The following ARHGAP12 variants were observed in gnomAD, a reference collection of about 807,000 sequenced individuals.
ARHGAP12 encodes Rho GTPase activating protein 12.
Under a neutral mutation model 108.6 loss-of-function variants are expected in ARHGAP12, and 64 were observed. That is an observed-to-expected ratio of 0.59 (90% CI 0.48 to 0.73). The LOEUF is 0.73. Ranked by LOEUF, ARHGAP12 falls within the 30% of genes least tolerant of loss-of-function variation. The probability of loss-of-function intolerance (pLI) is 0.00; values close to 1 mark genes in which losing one functional copy is unlikely to be tolerated. For synonymous variants in ARHGAP12, 312 were observed against 337.2 expected (o/e 0.93, Z 0.82); for missense variants, 940 against 1,005.9 (o/e 0.93, Z 0.89).
chr10:31,921,271 G>A (rs1237656318), intron 1 of ARHGAP12, among the ~76,000 whole-genome samples: 1 of 151,928 alleles, frequency 6.6e-6, no homozygotes, highest in East Asian at 1.9e-4. Flanking sequence ...GTGAAACAAC[G>A]TCTCAAAAAA....
At chr10:31,871,764 T>C (rs925162120) in intron 3 of ARHGAP12, among the ~76,000 whole-genome samples, 5 of 152,090 alleles carry the variant, frequency 3.3e-5, no homozygotes, top group Non-Finnish European at 7.4e-5. Context: ...ATCTAGACGG[T>C]TGACAGAGAA....
intron 3 of ARHGAP12, among the ~76,000 whole-genome samples, chr10:31,906,415 TG>T (rs1839134798): frequency 6.6e-6 from 1 of 152,202 alleles, no homozygotes; most frequent in Non-Finnish European, 1.5e-5. Context: ...AGAGGTTCAG[TG>T]ATTTTCCCCA....
chr10:31,844,584 A>G (rs576214621), intron 6 of ARHGAP12, among the ~76,000 whole-genome samples: 1 of 152,036 alleles, frequency 6.6e-6, no homozygotes, highest in African/African-American at 2.4e-5. Context: ...CCCAGGCTGG[A>G]GCGCAGTGGC....
intron 1 of ARHGAP12, among the ~76,000 whole-genome samples, chr10:31,922,596 C>T (rs1172796892): frequency 6.6e-6 from 1 of 151,914 alleles, no homozygotes; most frequent in Admixed American, 6.6e-5. Context: ...ATACAAATAA[C>T]CAAAGCTTGC....
chr10:31,919,649 G>T (rs1344297959), intron 1 of ARHGAP12, among the ~76,000 whole-genome samples: 1 of 151,838 alleles, frequency 6.6e-6, no homozygotes, highest in Non-Finnish European at 1.5e-5. Context: ...AAATTAGCTG[G>T]GCATGGTGGT....
intron 7 of ARHGAP12, among the ~76,000 whole-genome samples, chr10:31,842,610 T>G (rs1012622274): frequency 2.0e-5 from 3 of 152,122 alleles, no homozygotes; most frequent in African/African-American, 7.2e-5. Context: ...TTATGACTGA[T>G]AAATTGAGAT....
chr10:31,874,367 A>G (rs745922190), intron 3 of ARHGAP12, among the ~76,000 whole-genome samples: 1 of 152,236 alleles, frequency 6.6e-6, no homozygotes, highest in Non-Finnish European at 1.5e-5. Flanking sequence ...TCAAATGAAC[A>G]CAACTACATA....
chr10:31,873,696 G>A (rs1383588547), intron 3 of ARHGAP12, among the ~76,000 whole-genome samples: 4 of 152,194 alleles, frequency 2.6e-5, no homozygotes, highest in African/African-American at 9.7e-5. Flanking sequence ...AGACTCTGAT[G>A]ATTCTCCTGT....
intron 3 of ARHGAP12, among the ~76,000 whole-genome samples, chr10:31,868,999 G>A (rs1277170544): frequency 6.6e-6 from 1 of 152,018 alleles, no homozygotes; most frequent in Non-Finnish European, 1.5e-5. Flanking sequence ...GTGCGCTTAG[G>A]GCAAACTAGC....
At chr10:31,918,978 G>A (rs929575547) in intron 1 of ARHGAP12, among the ~76,000 whole-genome samples, 1 of 152,166 alleles carries the variant, frequency 6.6e-6, no homozygotes, top group Non-Finnish European at 1.5e-5. Flanking sequence ...AAAAGTGGAA[G>A]CAAACTAAAT....
rs576455772 is a variant in ARHGAP12 at position 31,861,575 on chromosome 10, A to G, written c.768T>C (p.Leu256=). 16 of 1,614,138 alleles carry G rather than the reference A, an allele frequency of 9.9e-6. No homozygotes were observed. The African/African-American group carries it at 2.1e-4, about 22-fold the overall frequency. The change falls in exon 4 of 20, where the codon CTT becomes CTC. Residue 256 remains leucine (L), a synonymous_variant. Transcript: ENST00000344936. ...TTGCCGGGCTCCCAGGAAGTGGGGG[A>G]AGAGCAGACTGGGATATTTTCAGTT... ...LQELKISQSA[L]PPLPGSPAIQ... is the part of the protein sequence containing the mutation.
At chr10:31,877,855 G>T (rs756315145) in intron 3 of ARHGAP12, among the ~76,000 whole-genome samples, 1 of 152,240 alleles carries the variant, frequency 6.6e-6, no homozygotes, top group Non-Finnish European at 1.5e-5. Context: ...ACTTTGGGAA[G>T]TCAAGGCGGG....
intron 3 of ARHGAP12, among the ~76,000 whole-genome samples, chr10:31,885,849 C>T (rs1423009795): frequency 2.7e-5 from 4 of 149,582 alleles, no homozygotes; most frequent in African/African-American, 9.8e-5. Context: ...ATTAAAAAAA[C>T]ACAAACAAAC....
intron 10 of ARHGAP12, among the ~76,000 whole-genome samples, chr10:31,827,867 A>G (rs905574129): frequency 6.6e-6 from 1 of 152,064 alleles, no homozygotes; most frequent in African/African-American, 2.4e-5. Flanking sequence ...TGTAGAATTT[A>G]ATATCTATCA....
At chr10:31,816,168 CGTGT>C (rs201754040) in intron 13 of ARHGAP12, among the ~76,000 whole-genome samples, 7,495 of 136,364 alleles carry the variant, frequency 0.055, 221 homozygotes, top group Middle Eastern at 0.092. Flanking sequence ...AAGAAAGAAA[CGTGT>C]GTGTGTGTGT....
chr10:31,840,661 G>A (rs1836229741), intron 7 of ARHGAP12, among the ~76,000 whole-genome samples: 2 of 152,048 alleles, frequency 1.3e-5, no homozygotes, highest in South Asian at 4.1e-4. Context: ...CCTGGAGAAG[G>A]TGCTGTCAAC....
chr10:31,871,300 AAT>A (rs1473676549), intron 3 of ARHGAP12, among the ~76,000 whole-genome samples: 3 of 152,224 alleles, frequency 2.0e-5, no homozygotes, highest in African/African-American at 7.2e-5. Flanking sequence ...TGGTATCTTT[AAT>A]AGACATCAGT....
intron 13 of ARHGAP12, among the ~76,000 whole-genome samples, chr10:31,814,872 CTT>C (rs1467448937): frequency 6.6e-6 from 1 of 152,010 alleles, no homozygotes; most frequent in Non-Finnish European, 1.5e-5. Context: ...CCAGCAAAGA[CTT>C]TGGGAGGCCA....
intron 3 of ARHGAP12, among the ~76,000 whole-genome samples, chr10:31,898,091 T>A (rs1466440017): frequency 1.3e-5 from 2 of 152,174 alleles, no homozygotes; most frequent in East Asian, 3.9e-4. Context: ...ACCACTGCAC[T>A]CCATCCTGGG....
Sources: allele counts gnomAD v4.1 joint callset (sites outside exome capture counted in the v4.1 genomes callset), GRCh38; gene constraint gnomAD v4.1.1; transcripts MANE v1.5; gene names NCBI Gene and HGNC (gene_info 2026-07-23, HGNC 2026-07-21).